C4orf36: variants seen among roughly 807,000 people sequenced by gnomAD.
C4orf36 encodes the protein uncharacterized protein C4orf36.
C4orf36 carries 11 observed loss-of-function variants against 12.2 expected under a neutral mutation model. That is an observed-to-expected ratio of 0.90 (90% CI 0.57 to 1.49). C4orf36 has a LOEUF of 1.49. Ranked by LOEUF, C4orf36 falls within the 40% of genes most tolerant of loss-of-function variation. The pLI, the probability that C4orf36 is intolerant of heterozygous loss-of-function variation, is 0.00. For missense variants in C4orf36, 137 were observed against 133.9 expected (o/e 1.02, Z -0.11); for synonymous variants, 54 against 51.3 (o/e 1.05, Z -0.22).
Position 86,892,333 on chromosome 4 carries a change from C to A in C4orf36, c.-224G>T. ...CGGCCGGGGTACTGAGGTAAGAGCG[C>A]GCTGCGCTAAGCGCACATGGCCGCG... On this transcript the variant is annotated 5_prime_UTR_variant, in exon 1 of 5. Transcript: ENST00000295898. The A allele has an allele frequency of 4.1e-6, 4 of 985,494 alleles. No individual in the cohort carries two copies. The highest frequency in any genetic ancestry group is 4.8e-6 in the Non-Finnish European group (4 of 829,966). 61.0% of individuals were successfully genotyped at this position (985,494 alleles called of 1,614,324 possible). A position where few individuals can be genotyped will look rare whatever the true frequency, so the allele number is the denominator to read the frequency against.
rs1300447149 is a variant in C4orf36 at position 86,878,057 on chromosome 4, T to G, written c.*3-1614A>C. On this transcript the variant is annotated intron_variant, in intron 4 of 4. Coordinates refer to ENST00000295898, the MANE Select transcript of C4orf36 (RefSeq NM_144645.4). ...TCTTACTACTCTTGCATGTTTGAAA[T>G]TTTCCACAATAACGAGTTGCATGTG... 2.0e-5 allele frequency among the ~76,000 whole-genome samples: 3 copies of G among 152,184 alleles called. No homozygotes were observed. In the East Asian group the frequency reaches 5.8e-4, roughly 29 times the overall value.
the C4orf36 span, chr4:86,924,534 G>A: frequency 0.011 from 1,606 of 152,372 alleles, 36 homozygotes; most frequent in African/African-American, 0.037. Context: ...ATAGAGACAA[G>A]GGCTCACTAT....
At chr4:86,900,867 G>C in the C4orf36 span, among the ~76,000 whole-genome samples, 2 of 152,250 alleles carry the variant, frequency 1.3e-5, no homozygotes, top group East Asian at 3.9e-4. Flanking sequence ...TCTGATGCTA[G>C]ATATCCTAGC....
At chr4:86,913,189 C>CGTGCCACAGCACAGCTGTGAT in the C4orf36 span, 1 of 398,260 alleles carries the variant, frequency 2.5e-6, no homozygotes, top group Non-Finnish European at 4.7e-6. Context: ...TCCTTGCCAT[C>CGTGCCACAGCACAGCTGTGAT]GTGCCACAGC....
In C4orf36 at chr4:86,876,457, A is replaced by AG; in HGVS notation, c.*3-15dup. On this transcript the variant is annotated splice_polypyrimidine_tract_variant and intron_variant, in intron 4 of 4. Coordinates refer to ENST00000295898, the MANE Select transcript of C4orf36 (RefSeq NM_144645.4). ...CCGCGCTTCAGGCTGCGCAAAGGAG[A>AG]GGGGGAAAATAAGATTTTATTTTAT... The AG allele has an allele frequency of 6.2e-7, 1 of 1,613,380 alleles. No individual in the cohort carries two copies. Among genetic ancestry groups the AG allele is most frequent in the Non-Finnish European group, 8.5e-7 (1 of 1,179,474 alleles).
At chr4:86,905,319 G>C in the C4orf36 span, among the ~76,000 whole-genome samples, 6 of 151,530 alleles carry the variant, frequency 4.0e-5, no homozygotes, top group Non-Finnish European at 7.4e-5. Flanking sequence ...GGAAGTGGAA[G>C]TTGCAGTGAG....
At chr4:86,914,903 T>C in the C4orf36 span, 1 of 322,840 alleles carries the variant, frequency 3.1e-6, no homozygotes, top group Non-Finnish European at 5.8e-6. Context: ...CTCTGGGCAG[T>C]CAATGCAAAC....
the C4orf36 span, among the ~76,000 whole-genome samples, chr4:86,921,342 A>C: frequency 6.6e-6 from 1 of 152,164 alleles, no homozygotes; most frequent in Admixed American, 6.5e-5. Flanking sequence ...AAGACACCTG[A>C]CCAGCTGAGC....
chr4:86,906,728 C>CAAAAAA, the C4orf36 span, among the ~76,000 whole-genome samples: 4 of 78,812 alleles, frequency 5.1e-5, no homozygotes, highest in Non-Finnish European at 6.6e-5. Context: ...AAGACGGTCT[C>CAAAAAA]AAAAAAAAAA....
chr4:86,903,168 C>T, the C4orf36 span, among the ~76,000 whole-genome samples: 1 of 152,108 alleles, frequency 6.6e-6, no homozygotes, highest in African/African-American at 2.4e-5. Flanking sequence ...CACATTTCTT[C>T]CATGAGGAAA....
the C4orf36 span, among the ~76,000 whole-genome samples, chr4:86,898,625 T>C: frequency 3.9e-5 from 6 of 152,158 alleles, no homozygotes; most frequent in African/African-American, 1.4e-4. Flanking sequence ...TCTCTAATTA[T>C]AAATATTATT....
At chr4:86,876,532 T>C in intron 4 of C4orf36, 89 bp from the exon 5 acceptor site, 1 of 1,613,940 alleles carries the variant, frequency 6.2e-7, no homozygotes, top group South Asian at 1.1e-5. Context: ...TCGGATTGTG[T>C]GAAGCTATTG....
the C4orf36 span, among the ~76,000 whole-genome samples, chr4:86,904,580 C>CAA: frequency 9.9e-5 from 7 of 70,454 alleles, no homozygotes; most frequent in East Asian, 4.9e-4. Flanking sequence ...GACTCTGTCT[C>CAA]AAAAAAAAAA....
chr4:86,894,863 C>T (rs773193694), upstream of C4orf36, among the ~76,000 whole-genome samples: 1 of 152,086 alleles, frequency 6.6e-6, no homozygotes, highest in Non-Finnish European at 1.5e-5. Context: ...GTGATTAAGC[C>T]ATCTTGGAAG....
chr4:86,895,891 A>G (rs1483562095), upstream of C4orf36, among the ~76,000 whole-genome samples: 2 of 152,238 alleles, frequency 1.3e-5, no homozygotes, highest in South Asian at 4.1e-4. Context: ...CCAGAAAGTA[A>G]GCAAGTATCC....
chr4:86,889,281 G>A (rs1747298012), intron 2 of C4orf36, among the ~76,000 whole-genome samples: 1 of 151,706 alleles, frequency 6.6e-6, no homozygotes, highest in African/African-American at 2.4e-5. Context: ...AACCCGAGAG[G>A]CGGAGGTTGC....
the C4orf36 span, among the ~76,000 whole-genome samples, chr4:86,917,763 C>G: frequency 1.3e-5 from 2 of 152,198 alleles, no homozygotes; most frequent in African/African-American, 4.8e-5. Context: ...TTACACAAAC[C>G]TAGATGGTAT....
the C4orf36 span, among the ~76,000 whole-genome samples, chr4:86,906,981 A>G: frequency 6.6e-6 from 1 of 152,096 alleles, no homozygotes; most frequent in Non-Finnish European, 1.5e-5. Context: ...CGGAGGTTGC[A>G]GTGAGCCAAG....
Position 86,891,510 on chromosome 4 carries a change from C to G in C4orf36, c.11G>C (p.Gly4Ala), listed in dbSNP as rs377539339. The G allele has an allele frequency of 1.3e-5, 21 of 1,613,924 alleles. No individual in the cohort carries two copies. Among genetic ancestry groups the G allele is most frequent in the Non-Finnish European group, 1.6e-5 (19 of 1,179,978 alleles). Residue 4 changes from glycine to alanine, a missense_variant, in exon 2 of 5, where the codon GGA becomes GCA. Transcript: ENST00000295898. ...TTTCACTGTGTTCTTTCTTGGCACT[C>G]CATACGCCATGGTGAGTTATTACGG... MAY[G>A]VPRKNTVKTI...
Sources: allele counts gnomAD v4.1 joint callset (sites outside exome capture counted in the v4.1 genomes callset), GRCh38; gene constraint gnomAD v4.1.1; transcripts MANE v1.5; gene names NCBI Gene and HGNC (gene_info 2026-07-23, HGNC 2026-07-21).